The following PIGL variants were observed in gnomAD, a reference collection of about 807,000 sequenced individuals.
PIGL encodes N-acetylglucosaminyl-phosphatidylinositol de-N-acetylase.
Under a neutral mutation model 31.1 loss-of-function variants are expected in PIGL, and 22 were observed. The observed-to-expected ratio is 0.71, with a 90% CI of 0.51 to 1.01. PIGL has a LOEUF of 1.01. Ranked by LOEUF, PIGL falls within the 50% of genes least tolerant of loss-of-function variation. The pLI, the probability that PIGL is intolerant of heterozygous loss-of-function variation, is 0.00. For synonymous variants in PIGL, 131 were observed against 117.4 expected (o/e 1.12, Z -0.75); for missense variants, 302 against 315.9 (o/e 0.96, Z 0.33).
At chr17:16,281,414 T>C (rs1036524435) in intron 2 of PIGL, among the ~76,000 whole-genome samples, 6 of 152,230 alleles carry the variant, frequency 3.9e-5, no homozygotes, top group Admixed American at 1.3e-4. Flanking sequence ...ATGCAAGAGA[T>C]TGTTTAACAA....
At chr17:16,286,565 AT>A (rs1178612427) in intron 2 of PIGL, among the ~76,000 whole-genome samples, 1 of 152,202 alleles carries the variant, frequency 6.6e-6, no homozygotes, top group East Asian at 1.9e-4. Flanking sequence ...CGTTATTTTA[AT>A]GAACGCTTTT....
At chr17:16,314,407 C>G (rs1357262728) in intron 4 of PIGL, among the ~76,000 whole-genome samples, 1 of 152,204 alleles carries the variant, frequency 6.6e-6, no homozygotes, top group African/African-American at 2.4e-5. Flanking sequence ...CCATTAAGTC[C>G]AATCACTGGG....
intron 6 of PIGL, 106 bp downstream of exon 6, chr17:16,318,014 G>A: frequency 2.2e-6 from 2 of 918,348 alleles, no homozygotes; most frequent in South Asian, 1.4e-5. Context: ...GTTTTTCACA[G>A]TGGTTCAGCA....
intron 2 of PIGL, among the ~76,000 whole-genome samples, chr17:16,273,558 G>A (rs1026628093): frequency 6.6e-6 from 1 of 152,146 alleles, no homozygotes; most frequent in Non-Finnish European, 1.5e-5. Context: ...TGGTGCAGTG[G>A]AACCAATAGG....
chr17:16,311,218 CTTG>C lies in PIGL; in HGVS notation c.427-2324_427-2322del, dbSNP rs375748254. On this transcript the variant is annotated intron_variant, in intron 3 of 6. Transcript: ENST00000225609. ...CAATCATTCTATCCTTTCTTCAGTC[CTTG>C]TTGTCGTTTTTATATTTCTTTTATT... Among the ~76,000 whole-genome samples the C allele has an allele frequency of 3.4e-3, 519 of 151,796 alleles. 2 individuals are homozygous for C. Among genetic ancestry groups the C allele is most frequent in the Non-Finnish European group, 5.6e-3 (382 of 67,954 alleles).
chr17:16,242,625 T>C (rs1039289124), intron 2 of PIGL, among the ~76,000 whole-genome samples: 6 of 150,838 alleles, frequency 4.0e-5, no homozygotes, highest in African/African-American at 1.5e-4. Flanking sequence ...TTTCAACATA[T>C]GCCTCTTATT....
At chr17:16,255,633 C>T (rs532227676) in intron 2 of PIGL, among the ~76,000 whole-genome samples, 1 of 152,262 alleles carries the variant, frequency 6.6e-6, no homozygotes, top group Admixed American at 6.5e-5. Flanking sequence ...TCTTGAGACT[C>T]AGTGAGAGCC....
intron 6 of PIGL, among the ~76,000 whole-genome samples, chr17:16,323,609 CTTTTTTTTT>C (rs34518917): frequency 1.0e-5 from 1 of 96,822 alleles, no homozygotes; most frequent in East Asian, 2.6e-4. Context: ...TAACACTGAT[CTTTTTTTTT>C]TTTTTTTTTT....
At chr17:16,298,950 C>G (rs941192846) in intron 2 of PIGL, among the ~76,000 whole-genome samples, 9 of 151,630 alleles carry the variant, frequency 5.9e-5, no homozygotes, top group African/African-American at 1.9e-4. Flanking sequence ...CCATTCGAAC[C>G]CAGGAGATGG....
At chr17:16,307,588 G>A (rs1430422243) in intron 3 of PIGL, among the ~76,000 whole-genome samples, 1 of 152,176 alleles carries the variant, frequency 6.6e-6, no homozygotes, top group Non-Finnish European at 1.5e-5. Flanking sequence ...TCAAAGGTAA[G>A]AATGATTTTA....
chr17:16,253,179 G>A (rs1308722539), intron 2 of PIGL, among the ~76,000 whole-genome samples: 3 of 151,218 alleles, frequency 2.0e-5, no homozygotes, highest in African/African-American at 4.9e-5. Flanking sequence ...GCTTGAACCC[G>A]GGAGGCGGAG....
At chr17:16,263,476 A>T (rs901710262) in intron 2 of PIGL, among the ~76,000 whole-genome samples, 2 of 151,498 alleles carry the variant, frequency 1.3e-5, no homozygotes, top group Non-Finnish European at 2.9e-5. Context: ...TGGCCAAATT[A>T]TACACTTTGT....
chr17:16,317,102 C>T, intron 5 of PIGL: 7 of 1,052,892 alleles, frequency 6.6e-6, no homozygotes, highest in Non-Finnish European at 8.1e-6. Context: ...TCCTAACCCA[C>T]ATAAAGTATT....
At chr17:16,320,254 G>A (rs2093098436) in intron 6 of PIGL, among the ~76,000 whole-genome samples, 2 of 96,176 alleles carry the variant, frequency 2.1e-5, no homozygotes, top group Admixed American at 1.0e-4. Flanking sequence ...AGGAAGGAAA[G>A]GAGGGAGGAA....
chr17:16,266,151 A>G (rs2092841558), intron 2 of PIGL, among the ~76,000 whole-genome samples: 1 of 151,884 alleles, frequency 6.6e-6, no homozygotes, highest in South Asian at 2.1e-4. Context: ...GTGGTGGCTC[A>G]CACCTGTAAT....
At position 16,293,441 on chromosome 17, in the gene PIGL, T is replaced by C. The variant is rs146692355; in HGVS notation, c.336-6447T>C. On this transcript the variant is annotated intron_variant, in intron 2 of 6. Transcript: ENST00000225609. ...TACTCGGGTGGCTGAGGCAGGAGAA[T>C]GGCGTGAAGCCAGGAGGCGGAGGTT... is the stretch of plus-strand genomic sequence containing the variant. Among the ~76,000 whole-genome samples, 683 of 152,274 alleles carry C rather than the reference T, an allele frequency of 4.5e-3. 8 individuals carry two copies. Among genetic ancestry groups the C allele is most frequent in the African/African-American group, 0.015 (637 of 41,562 alleles).
At chr17:16,266,265 T>C (rs1600799744) in intron 2 of PIGL, among the ~76,000 whole-genome samples, 2 of 151,124 alleles carry the variant, frequency 1.3e-5, no homozygotes, top group African/African-American at 4.9e-5. Flanking sequence ...AATACAAAAA[T>C]TAGCCCTGCA....
intron 2 of PIGL, among the ~76,000 whole-genome samples, chr17:16,292,244 G>A (rs1007624878): frequency 4.6e-5 from 7 of 151,742 alleles, no homozygotes; most frequent in African/African-American, 1.7e-4. Context: ...GTGTTGGCCA[G>A]GCTGGTCTCG....
chr17:16,253,237 C>T (rs571043943), intron 2 of PIGL, among the ~76,000 whole-genome samples: 1 of 151,834 alleles, frequency 6.6e-6, no homozygotes, highest in African/African-American at 2.4e-5. Flanking sequence ...CTGGACAACA[C>T]GAGGGAAACT....
Sources: allele counts gnomAD v4.1 joint callset (sites outside exome capture counted in the v4.1 genomes callset), GRCh38; gene constraint gnomAD v4.1.1; transcripts MANE v1.5; gene names NCBI Gene and HGNC (gene_info 2026-07-23, HGNC 2026-07-21).